The following SRGAP3 variants were observed in gnomAD, a reference collection of about 807,000 sequenced individuals.
SRGAP3 encodes the protein SLIT-ROBO Rho GTPase-activating protein 3.
Under a neutral mutation model 121.1 loss-of-function variants are expected in SRGAP3, and 39 were observed. That is an observed-to-expected ratio of 0.32 (90% CI 0.25 to 0.42). The LOEUF (loss-of-function observed/expected upper bound fraction) is 0.42, where lower values mean the gene tolerates loss of function less well. SRGAP3 is among the 10% of genes least tolerant of loss of function. The pLI, the probability that SRGAP3 is intolerant of heterozygous loss-of-function variation, is 1.00. For synonymous variants in SRGAP3, 601 were observed against 570.0 expected (o/e 1.05, Z -0.77); for missense variants, 1,213 against 1,470.6 (o/e 0.82, Z 2.86).
intron 17 of SRGAP3, among the ~76,000 whole-genome samples, chr3:9,010,739 A>T (rs1943327157): frequency 6.6e-6 from 1 of 152,188 alleles, no homozygotes; most frequent in Non-Finnish European, 1.5e-5. Context: ...AGGCCAGAAC[A>T]AAAAGAACCC....
intron 1 of SRGAP3, among the ~76,000 whole-genome samples, chr3:9,144,257 G>A (rs886777000): frequency 1.3e-5 from 2 of 152,214 alleles, no homozygotes; most frequent in East Asian, 1.9e-4. Flanking sequence ...TAAGACCTAC[G>A]TGGTGTGGTC....
intron 1 of SRGAP3, among the ~76,000 whole-genome samples, chr3:9,170,314 A>C (rs1950930378): frequency 2.0e-5 from 3 of 152,204 alleles, no homozygotes; most frequent in African/African-American, 7.2e-5. Context: ...AGACTTGGTA[A>C]CATTGTCTTA....
intron 1 of SRGAP3, among the ~76,000 whole-genome samples, chr3:9,242,077 C>CAAA (rs142186507): frequency 4.7e-4 from 32 of 68,384 alleles, no homozygotes; most frequent in African/African-American, 6.1e-4. Flanking sequence ...CACCCTAATT[C>CAAA]AAAAAAAAAA....
chr3:9,132,964 C>T (rs1391023506), intron 1 of SRGAP3, among the ~76,000 whole-genome samples: 5 of 150,384 alleles, frequency 3.3e-5, no homozygotes, highest in African/African-American at 1.2e-4. Flanking sequence ...CTACCATGAT[C>T]GTGTGCATCA....
intron 3 of SRGAP3, among the ~76,000 whole-genome samples, chr3:9,311,063 G>A (rs369480458): frequency 3.9e-5 from 6 of 151,994 alleles, no homozygotes; most frequent in South Asian, 4.2e-4. Flanking sequence ...CCAGCTACTC[G>A]GAAGGCTGAG....
chr3:9,194,348 T>C (rs1175694787), intron 1 of SRGAP3: 5 of 148,950 alleles, frequency 3.4e-5, no homozygotes, highest in African/African-American at 4.9e-5. Context: ...ATCTGTAAAA[T>C]AGAAAAAAAA....
intron 1 of SRGAP3, among the ~76,000 whole-genome samples, chr3:9,241,000 C>T (rs528777847): frequency 6.6e-6 from 1 of 152,136 alleles, no homozygotes; most frequent in East Asian, 1.9e-4. Flanking sequence ...CCACACTTCC[C>T]CCACTGAAGG....
At chr3:9,337,177 C>A (rs773424189) in intron 1 of SRGAP3, among the ~76,000 whole-genome samples, 28 of 152,312 alleles carry the variant, frequency 1.8e-4, no homozygotes, top group African/African-American at 6.3e-4. Context: ...AGGCCTTCAA[C>A]TGGTTTTATG....
At chr3:9,104,658 G>A (rs778149099) in intron 3 of SRGAP3, 22 bp downstream of exon 3, 64 of 1,613,632 alleles carry the variant, frequency 4.0e-5, no homozygotes, top group Admixed American at 3.8e-4. Context: ...CCTGGGACAC[G>A]TAGAGCAGCC....
intron 14 of SRGAP3, among the ~76,000 whole-genome samples, chr3:9,021,894 C>T (rs191153023): frequency 1.4e-4 from 22 of 152,152 alleles, no homozygotes; most frequent in African/African-American, 4.8e-4. Context: ...AGTTCAATGG[C>T]GAAAGCCCAT....
chr3:9,354,654 C>T (rs1049487194), intron 1 of SRGAP3, among the ~76,000 whole-genome samples: 6 of 145,870 alleles, frequency 4.1e-5, no homozygotes, highest in Non-Finnish European at 7.4e-5. Flanking sequence ...TGCACTCCAG[C>T]CGGGGTGACA....
intron 3 of SRGAP3, among the ~76,000 whole-genome samples, chr3:9,086,517 CAAAAA>C (rs1242587521): frequency 1.1e-5 from 1 of 87,090 alleles, no homozygotes; most frequent in African/African-American, 4.2e-5. Flanking sequence ...GAGACTGTTT[CAAAAA>C]AAAAAAAAAA....
intron 3 of SRGAP3, among the ~76,000 whole-genome samples, chr3:9,291,500 C>T (rs565347725): frequency 1.3e-5 from 2 of 152,120 alleles, no homozygotes; most frequent in South Asian, 4.1e-4. Context: ...TTTTTCCTTG[C>T]TCTTGTATTT....
chr3:9,362,096 T>C (rs2030888881), intron 1 of SRGAP3, among the ~76,000 whole-genome samples: 1 of 152,072 alleles, frequency 6.6e-6, no homozygotes, highest in Non-Finnish European at 1.5e-5. Flanking sequence ...GAAGTGCCTG[T>C]TTTTGGCTTC....
At chr3:9,170,677 G>C (rs1035690675) in intron 1 of SRGAP3, among the ~76,000 whole-genome samples, 17 of 152,210 alleles carry the variant, frequency 1.1e-4, no homozygotes, top group Admixed American at 1.1e-3. Flanking sequence ...CCTTTCCTCT[G>C]CACCTTCGCC....
intron 1 of SRGAP3, among the ~76,000 whole-genome samples, chr3:9,141,553 G>GTGTGCGT (rs1949847755): frequency 7.2e-6 from 1 of 138,394 alleles, no homozygotes; most frequent in African/African-American, 2.7e-5. Flanking sequence ...TGACTTCAGG[G>GTGTGCGT]GTGTGTGTGT....
intron 3 of SRGAP3, among the ~76,000 whole-genome samples, chr3:9,289,198 C>T (rs1954832586): frequency 6.6e-6 from 1 of 152,244 alleles, no homozygotes; most frequent in South Asian, 2.1e-4. Context: ...CATGCCTGGC[C>T]TAGTTTACCT....
In SRGAP3 at chr3:9,261,630, C is replaced by T. The variant is rs571651733; in HGVS notation, n.442+64380G>A. Among the ~76,000 whole-genome samples the T allele has an allele frequency of 9.4e-4, 142 of 150,824 alleles. 1 individual carries two copies. The highest frequency in any genetic ancestry group is 3.2e-3 in the African/African-American group (131 of 40,876). On this transcript the variant is annotated intron_variant and non_coding_transcript_variant, in intron 3 of 3. Coordinates refer to the SRGAP3 transcript ENST00000490889. ...TTGAAGATGAACTTAATGAAATAAG[C>T]ATGAAGACAAGATTAGAGAAAAAAG...
At position 9,000,864 on chromosome 3, in the gene SRGAP3, G is replaced by C. The variant is rs186784048; in HGVS notation, c.2228-6341C>G. ...AGAGATTAACAGCCGGAAAGGATCC[G>C]GGAAAGAGACTTCTACCAAACCCAC... On this transcript the variant is annotated intron_variant, in intron 18 of 21. Coordinates refer to ENST00000383836, the MANE Select transcript of SRGAP3 (RefSeq NM_014850.4). Among the ~76,000 whole-genome samples, 168 of 152,266 alleles carry C rather than the reference G, an allele frequency of 1.1e-3. 3 individuals carry two copies. In the East Asian group the frequency reaches 0.025, roughly 23 times the overall value.
Sources: allele counts gnomAD v4.1 joint callset (sites outside exome capture counted in the v4.1 genomes callset), GRCh38; gene constraint gnomAD v4.1.1; transcripts MANE v1.5; gene names NCBI Gene and HGNC (gene_info 2026-07-23, HGNC 2026-07-21).